MPDZ: variants seen among roughly 807,000 people sequenced by gnomAD.
MPDZ encodes multiple PDZ domain protein.
Under a neutral mutation model 239.1 loss-of-function variants are expected in MPDZ, and 234 were observed. The observed-to-expected ratio is 0.98, with a 90% CI of 0.88 to 1.09. The LOEUF is 1.09. Ranked by LOEUF, MPDZ falls within the 50% of genes least tolerant of loss-of-function variation. The pLI is 0.00. For missense variants in MPDZ, 3,175 were observed against 2,510.0 expected (o/e 1.26, Z -5.66); for synonymous variants, 1,048 against 881.3 (o/e 1.19, Z -3.35).
At chr9:13,234,743 T>C (rs1056286848) in intron 3 of MPDZ, among the ~76,000 whole-genome samples, 8 of 152,170 alleles carry the variant, frequency 5.3e-5, no homozygotes, top group Non-Finnish European at 1.5e-5. Context: ...CTACACCTTA[T>C]TGTAATGAGA....
intron 1 of MPDZ, among the ~76,000 whole-genome samples, chr9:13,275,875 T>A (rs1334675189): frequency 6.6e-6 from 1 of 152,086 alleles, no homozygotes; most frequent in Admixed American, 6.6e-5. Context: ...CCCAGCCTCT[T>A]CTATACATGT....
At chr9:13,167,286 ATGATC>A (rs1447464517) in intron 22 of MPDZ, among the ~76,000 whole-genome samples, 1 of 152,150 alleles carries the variant, frequency 6.6e-6, no homozygotes, top group African/African-American at 2.4e-5. Flanking sequence ...GAACAGTAAT[ATGATC>A]TGATGATCTG....
In MPDZ at chr9:13,106,193, G is replaced by A. The variant is rs1463804970; in HGVS notation, c.*772C>T. On this transcript the variant is annotated 3_prime_UTR_variant, in exon 47 of 47. Transcript: ENST00000319217. ...TGGTTAGCAGCATAGTTGCTTTCTA[G>A]AAAAACCATAGTCAACATGGGGTGG... 6.6e-6 allele frequency: 1 copy of A among 152,036 alleles called. No individual in the cohort carries two copies. The highest frequency in any genetic ancestry group is 1.5e-5 in the Non-Finnish European group (1 of 68,008). 9.4% of individuals were successfully genotyped at this position (152,036 alleles called of 1,614,324 possible).
intron 10 of MPDZ, among the ~76,000 whole-genome samples, chr9:13,208,940 G>C (rs1373868919): frequency 6.6e-6 from 1 of 152,022 alleles, no homozygotes; most frequent in Admixed American, 6.6e-5. Flanking sequence ...AAATAGAACA[G>C]AGAAAACACT....
At chr9:13,160,830 TTATATATATATATA>T (rs58374268) in intron 23 of MPDZ, among the ~76,000 whole-genome samples, 423 of 37,988 alleles carry the variant, frequency 0.011, 20 homozygotes, top group South Asian at 0.074. Context: ...ATTATTAAAA[TTATATATATATATA>T]TATATATATA....
At chr9:13,234,157 A>G (rs1305193335) in intron 3 of MPDZ, among the ~76,000 whole-genome samples, 1 of 152,140 alleles carries the variant, frequency 6.6e-6, no homozygotes, top group African/African-American at 2.4e-5. Flanking sequence ...TGTAATTATG[A>G]GATTTCAAGA....
chr9:13,139,432 A>C (rs1947313917), intron 28 of MPDZ, among the ~76,000 whole-genome samples: 1 of 152,098 alleles, frequency 6.6e-6, no homozygotes, highest in Admixed American at 6.6e-5. Context: ...TGTGCTTAGC[A>C]CTCTTGGCAC....
At chr9:13,184,486 C>A (rs1357648338) in intron 18 of MPDZ, among the ~76,000 whole-genome samples, 1 of 151,762 alleles carries the variant, frequency 6.6e-6, no homozygotes, top group Non-Finnish European at 1.5e-5. Flanking sequence ...TATATCAGGT[C>A]ACATTCTTAC....
At chr9:13,122,191 T>C (rs774821165) in intron 36 of MPDZ, 21 bp from the exon 37 acceptor site, 3 of 1,604,232 alleles carry the variant, frequency 1.9e-6, no homozygotes, top group East Asian at 2.2e-5. Flanking sequence ...AAACAAAACA[T>C]ACCCATACTT....
chr9:13,146,180 T>G (rs956326278), intron 26 of MPDZ, among the ~76,000 whole-genome samples: 3 of 152,068 alleles, frequency 2.0e-5, no homozygotes, highest in Non-Finnish European at 4.4e-5. Flanking sequence ...AAATTGCAGA[T>G]GTTGAAGTGC....
intron 2 of MPDZ, 67 bp from the exon 3 acceptor site, chr9:13,247,868 C>T (rs1320430285): frequency 2.9e-6 from 4 of 1,386,180 alleles, no homozygotes; most frequent in Non-Finnish European, 3.9e-6. Flanking sequence ...TAAGAGGACT[C>T]CATCTTGTAG....
chr9:13,227,310 T>C (rs1239591743), intron 3 of MPDZ, among the ~76,000 whole-genome samples: 1 of 152,158 alleles, frequency 6.6e-6, no homozygotes, highest in African/African-American at 2.4e-5. Flanking sequence ...AATGTTTATT[T>C]TAAAATCTAT....
Position 13,147,677 on chromosome 9 carries a change from G to A in MPDZ, c.3631-19C>T. 6.3e-7 allele frequency: 1 copy of A among 1,578,300 alleles called. No individual in the cohort carries two copies. The highest frequency in any genetic ancestry group is 8.7e-7 in the Non-Finnish European group (1 of 1,149,082). On this transcript the variant is annotated intron_variant, in intron 25 of 46. Coordinates refer to ENST00000319217, the MANE Select transcript of MPDZ (RefSeq NM_001378778.1). ...CATCCACCTGCAATGGAAGGCCTCAGCTTAACATTTCAAGAATCTATAGAA... is the reference window on the plus strand; with the variant it reads ...CATCCACCTGCAATGGAAGGCCTCAACTTAACATTTCAAGAATCTATAGAA...
intron 10 of MPDZ, among the ~76,000 whole-genome samples, chr9:13,208,113 A>G (rs1326589216): frequency 6.6e-5 from 10 of 152,162 alleles, no homozygotes; most frequent in Admixed American, 6.5e-4. Context: ...TGTAATTCAG[A>G]TGTTTACTAA....
intron 12 of MPDZ, among the ~76,000 whole-genome samples, chr9:13,201,578 C>G (rs1372186073): frequency 6.6e-6 from 1 of 151,930 alleles, no homozygotes; most frequent in African/African-American, 2.4e-5. Flanking sequence ...TTGATGGTAT[C>G]CCATAATTCT....
At chr9:13,133,736 T>C (rs1946349615) in intron 32 of MPDZ, 88 bp downstream of exon 32, 6 of 910,592 alleles carry the variant, frequency 6.6e-6, no homozygotes, top group African/African-American at 1.7e-5. Context: ...GCTGTTAATC[T>C]GGAGACCACA....
In MPDZ at chr9:13,155,575, A is replaced by G. The variant is rs1405732110; in HGVS notation, c.3452+2443T>C. On this transcript the variant is annotated intron_variant, in intron 24 of 46. Transcript: ENST00000319217. Reference sequence around the variant, plus strand: ...GAAAAATTAAGCAAAATGGAAAATAATACATGTAGTAGTATATCAATTGTG... The same window carrying G: ...GAAAAATTAAGCAAAATGGAAAATAGTACATGTAGTAGTATATCAATTGTG... 2.0e-5 allele frequency among the ~76,000 whole-genome samples: 3 copies of G among 152,304 alleles called. No individual in the cohort carries two copies. In the East Asian group the frequency reaches 5.8e-4, roughly 29 times the overall value.
In MPDZ at chr9:13,222,275, A is replaced by G; in HGVS notation, c.705T>C (p.Arg235=). 1 of 1,612,826 alleles carries G rather than the reference A, an allele frequency of 6.2e-7. No individual in the cohort carries two copies. The highest frequency in any genetic ancestry group is 8.5e-7 in the Non-Finnish European group (1 of 1,179,218). The change falls in exon 6 of 47, where the codon CGT becomes CGC. Residue 235 remains arginine, a synonymous_variant. Coordinates refer to ENST00000319217, the MANE Select transcript of MPDZ (RefSeq NM_001378778.1). ...AAATTGTGCTGGCTGCAGATGGAGA[A>G]CGGGAAACTATGGGGCTGACAAGCT... The part of the protein sequence containing the change: ...LPQLVSPIVS[R]SPSAASTISA...
At chr9:13,141,121 GCAT>G (rs1427525898) in intron 27 of MPDZ, among the ~76,000 whole-genome samples, 1 of 151,362 alleles carries the variant, frequency 6.6e-6, no homozygotes, top group Non-Finnish European at 1.5e-5. Context: ...AAAGTACTTG[GCAT>G]CATCAAGTTC....
Sources: gnomAD v4.1 joint callset for allele counts (sites outside exome capture counted in the v4.1 genomes callset) on GRCh38, gnomAD v4.1.1 for gene constraint, MANE v1.5 for transcripts, NCBI Gene and HGNC (gene_info 2026-07-23, HGNC 2026-07-21) for gene names.